Variants in PLCB1 observed in about 807,000 individuals in gnomAD.
PLCB1 encodes 1-phosphatidylinositol 4,5-bisphosphate phosphodiesterase beta-1.
In PLCB1, 46 loss-of-function variants were observed where a neutral mutation model predicts 161.8. That is an observed-to-expected ratio of 0.28 (90% CI 0.22 to 0.36). The LOEUF (loss-of-function observed/expected upper bound fraction) is 0.36. PLCB1 is among the 10% of genes least tolerant of loss of function. The pLI is 1.00. For missense variants in PLCB1, 1,016 were observed against 1,472.5 expected, an observed-to-expected ratio of 0.69 and a Z score of 5.07; for synonymous variants, 517 against 503.7, an observed-to-expected ratio of 1.03 and a Z score of -0.35.
chr20:8,812,264 T>C (rs1030196348), intron 31 of PLCB1, among the ~76,000 whole-genome samples: 3 of 152,128 alleles, frequency 2.0e-5, no homozygotes, highest in Non-Finnish European at 4.4e-5. Flanking sequence ...AATGAGACTT[T>C]GTATGTACCT....
intron 11 of PLCB1, among the ~76,000 whole-genome samples, chr20:8,701,752 C>T (rs1354447600): frequency 6.6e-6 from 1 of 152,094 alleles, no homozygotes; most frequent in African/African-American, 2.4e-5. Context: ...ATGAATTTTC[C>T]CTTCCCAGAG....
At chr20:8,540,144 A>G (rs1985250885) in intron 3 of PLCB1, among the ~76,000 whole-genome samples, 1 of 151,922 alleles carries the variant, frequency 6.6e-6, no homozygotes, top group South Asian at 2.1e-4. Context: ...ATACTATACT[A>G]AAGAAAAAAG....
chr20:8,531,759 T>A (rs562773876), intron 3 of PLCB1, among the ~76,000 whole-genome samples: 13 of 151,574 alleles, frequency 8.6e-5, no homozygotes, highest in African/African-American at 3.1e-4. Flanking sequence ...CAGATTAAAA[T>A]ATATATATAT....
At chr20:8,864,017 A>C (rs1302293722) in intron 31 of PLCB1, among the ~76,000 whole-genome samples, 3 of 152,360 alleles carry the variant, frequency 2.0e-5, no homozygotes, top group African/African-American at 7.2e-5. Flanking sequence ...ATGTATCAAG[A>C]GATATCTTCA....
chr20:8,628,591 T>G, intron 4 of PLCB1, 160 bp downstream of exon 4: 1 of 666,334 alleles, frequency 1.5e-6, no homozygotes, highest in Non-Finnish European at 2.5e-6. Flanking sequence ...ATTAAAATAC[T>G]TCTAAATAAT....
intron 4 of PLCB1, among the ~76,000 whole-genome samples, chr20:8,629,992 TTCTTTCTTTCTTTCTTTC>T (rs1280180904): frequency 1.4e-4 from 14 of 99,326 alleles, no homozygotes; most frequent in Admixed American, 2.4e-4. Flanking sequence ...CTTTCTTTCT[TTCTTTCTTTCTTTCTTTC>T]TCTTTCTTCT....
chr20:8,444,601 C>T (rs1007495521), intron 3 of PLCB1, among the ~76,000 whole-genome samples: 4 of 152,206 alleles, frequency 2.6e-5, no homozygotes, highest in Non-Finnish European at 4.4e-5. Context: ...ATTTCTAGTT[C>T]TAGATCCTTG....
At chr20:8,479,694 C>T (rs1982420319) in intron 3 of PLCB1, among the ~76,000 whole-genome samples, 1 of 152,208 alleles carries the variant, frequency 6.6e-6, no homozygotes, top group Non-Finnish European at 1.5e-5. Flanking sequence ...ACTGCATTGA[C>T]TTGGCCCTGT....
At chr20:8,156,464 T>A (rs2051564412) in intron 2 of PLCB1, among the ~76,000 whole-genome samples, 1 of 152,232 alleles carries the variant, frequency 6.6e-6, no homozygotes, top group Non-Finnish European at 1.5e-5. Context: ...AGGAACTGCT[T>A]AATGCAGATG....
intron 2 of PLCB1, among the ~76,000 whole-genome samples, chr20:8,268,123 C>T (rs6140576): frequency 2.6e-5 from 4 of 152,078 alleles, no homozygotes; most frequent in African/African-American, 7.2e-5. Flanking sequence ...CCTCTCCCCC[C>T]ACCTCATGAC....
intron 14 of PLCB1, among the ~76,000 whole-genome samples, chr20:8,718,114 G>C (rs952651493): frequency 2.0e-5 from 3 of 152,102 alleles, no homozygotes; most frequent in African/African-American, 7.2e-5. Context: ...CAGCTACTCG[G>C]GAGGCTGAGG....
intron 31 of PLCB1, among the ~76,000 whole-genome samples, chr20:8,879,938 C>T (rs11908528): frequency 0.35 from 52,939 of 151,838 alleles, 9,412 homozygotes; most frequent in South Asian, 0.52. Context: ...AGAGTAGAAC[C>T]CAGACAGGGA....
chr20:8,759,961 A>G (rs1481304610), intron 24 of PLCB1, among the ~76,000 whole-genome samples: 2 of 120,636 alleles, frequency 1.7e-5, no homozygotes, highest in African/African-American at 6.5e-5. Context: ...GGTGGAGTGC[A>G]GTGGCATGAT....
At chr20:8,582,290 T>A (rs1305529900) in intron 3 of PLCB1, among the ~76,000 whole-genome samples, 2 of 152,118 alleles carry the variant, frequency 1.3e-5, no homozygotes, top group Non-Finnish European at 2.9e-5. Flanking sequence ...CTAGGAATTG[T>A]CCTCAGCCAA....
intron 2 of PLCB1, among the ~76,000 whole-genome samples, chr20:8,162,737 T>C (rs1215929468): frequency 6.6e-6 from 1 of 152,240 alleles, no homozygotes; most frequent in East Asian, 1.9e-4. Context: ...GTGAAATGAA[T>C]GCTTAAGTGA....
At chr20:8,269,090 AT>A (rs200171027) in intron 2 of PLCB1, among the ~76,000 whole-genome samples, 2,455 of 152,074 alleles carry the variant, frequency 0.016, 72 homozygotes, top group African/African-American at 0.056. Flanking sequence ...TTTTTAAATA[AT>A]TTTTTTATTA....
chr20:8,744,169 C>T (rs111241001), intron 23 of PLCB1, among the ~76,000 whole-genome samples: 139 of 150,322 alleles, frequency 9.2e-4, no homozygotes, highest in African/African-American at 3.3e-3. Context: ...AAAATAAAAG[C>T]TAAAAAAAAA....
At chr20:8,626,036 G>A (rs1325836559) in intron 3 of PLCB1, among the ~76,000 whole-genome samples, 2 of 151,940 alleles carry the variant, frequency 1.3e-5, no homozygotes, top group Non-Finnish European at 2.9e-5. Flanking sequence ...AACTTAGCCG[G>A]GCGTGGTGGC....
At chr20:8,337,199 G>T (rs906867800) in intron 2 of PLCB1, among the ~76,000 whole-genome samples, 5 of 152,322 alleles carry the variant, frequency 3.3e-5, no homozygotes, top group African/African-American at 1.2e-4. Flanking sequence ...AATCCAAAGT[G>T]TAGACTTATG....
Sources: gnomAD v4.1 joint callset for allele counts (sites outside exome capture counted in the v4.1 genomes callset) on GRCh38, gnomAD v4.1.1 for gene constraint, MANE v1.5 for transcripts, NCBI Gene and HGNC (gene_info 2026-07-23, HGNC 2026-07-21) for gene names.